SLC37A2: variants seen among roughly 807,000 people sequenced by gnomAD.
SLC37A2 encodes the protein glucose-6-phosphate exchanger SLC37A2.
SLC37A2 carries 59 observed loss-of-function variants against 70.7 expected under a neutral mutation model. The observed-to-expected ratio is 0.83, with a 90% CI of 0.68 to 1.04. The LOEUF (loss-of-function observed/expected upper bound fraction) is 1.04, where lower values mean the gene tolerates loss of function less well. Among genes scored for constraint, SLC37A2 ranks in the 50% least tolerant of loss-of-function variants. The pLI is 0.00. For synonymous variants in SLC37A2, 257 were observed against 262.1 expected (o/e 0.98, Z 0.19); for missense variants, 580 against 658.1 (o/e 0.88, Z 1.30).
At chr11:125,064,866 T>C (rs911774604) in intron 1 of SLC37A2, among the ~76,000 whole-genome samples, 2 of 152,204 alleles carry the variant, frequency 1.3e-5, no homozygotes, top group African/African-American at 2.4e-5. Flanking sequence ...AAATGGATGA[T>C]GGTGATGGTT....
intron 17 of SLC37A2, chr11:125,086,274 TCGAGTCTGTGACTCGAGTG>T: frequency 6.3e-7 from 1 of 1,598,350 alleles, no homozygotes; most frequent in South Asian, 1.1e-5. Context: ...AGTATTTACT[TCGAGTCTGTGACTCGAGTG>T]CCATTTGAGT....
chr11:125,086,328 C>A, intron 17 of SLC37A2: 1 of 1,197,270 alleles, frequency 8.4e-7, no homozygotes. Flanking sequence ...AATCCTCTGT[C>A]CTGCAGTATG....
chr11:125,071,827 C>T (rs1048758446), intron 1 of SLC37A2, among the ~76,000 whole-genome samples: 1 of 96,928 alleles, frequency 1.0e-5, no homozygotes, highest in South Asian at 3.8e-4. Context: ...GGGTATCTCC[C>T]AGTGCTGGTG....
At chr11:125,086,236 A>G in intron 17 of SLC37A2, 2 of 1,612,744 alleles carry the variant, frequency 1.2e-6, no homozygotes, top group Non-Finnish European at 1.7e-6. Context: ...CAGTGATAGT[A>G]TTTTCCTCAA....
At chr11:125,081,721 G>A (rs778457162) in intron 8 of SLC37A2, 33 bp from the exon 9 acceptor site, 34 of 1,534,800 alleles carry the variant, frequency 2.2e-5, no homozygotes, top group Admixed American at 6.2e-5. Context: ...GCACATGGAC[G>A]CACCCACAGC....
chr11:125,077,962 G>C (rs1415461015), intron 4 of SLC37A2, among the ~76,000 whole-genome samples: 1 of 152,198 alleles, frequency 6.6e-6, no homozygotes, highest in Non-Finnish European at 1.5e-5. Context: ...GGGGGCAATG[G>C]ATGCATTGGC....
chr11:125,084,616 C>T (rs1214782946), intron 12 of SLC37A2, among the ~76,000 whole-genome samples: 1 of 152,216 alleles, frequency 6.6e-6, no homozygotes, highest in Non-Finnish European at 1.5e-5. Context: ...TGAGAGAAGA[C>T]TGTTTGGAGA....
chr11:125,084,459 GGGA>G, intron 12 of SLC37A2, 140 bp downstream of exon 12: 1 of 902,390 alleles, frequency 1.1e-6, no homozygotes, highest in Non-Finnish European at 1.7e-6. Context: ...GCACACACGG[GGGA>G]GGAGAAGCGA....
At chr11:125,084,628 A>T (rs1949184600) in intron 12 of SLC37A2, among the ~76,000 whole-genome samples, 197 bp from the exon 13 acceptor site, 1 of 152,216 alleles carries the variant, frequency 6.6e-6, no homozygotes, top group South Asian at 2.1e-4. Flanking sequence ...GTTTGGAGAA[A>T]GGGAGATGAT....
chr11:125,075,976 G>A lies in SLC37A2; in HGVS notation c.60-781G>A, dbSNP rs192536945. The stretch of plus-strand genomic sequence containing the variant: ...GCATGTCCTGGCTCCTGGCTGCGGC[G>A]AGGAAGCAGATAGTGACTCAGCAGG... On this transcript the variant is annotated intron_variant, in intron 1 of 17. Coordinates refer to ENST00000403796, the MANE Select transcript of SLC37A2 (RefSeq NM_001145290.2). Among the ~76,000 whole-genome samples, 19 of 152,236 alleles carry A rather than the reference G, an allele frequency of 1.2e-4. No homozygotes were observed. The South Asian group carries it at 2.9e-3, about 23-fold the overall frequency.
intron 1 of SLC37A2, among the ~76,000 whole-genome samples, chr11:125,073,116 A>C (rs1232219667): frequency 3.9e-5 from 6 of 152,092 alleles, no homozygotes; most frequent in Non-Finnish European, 8.8e-5. Flanking sequence ...TCAGGCTACC[A>C]CCTGGAGGAG....
intron 1 of SLC37A2, among the ~76,000 whole-genome samples, chr11:125,065,683 G>T (rs987906786): frequency 1.3e-5 from 2 of 152,154 alleles, no homozygotes; most frequent in South Asian, 2.1e-4. Context: ...GATTAAATAG[G>T]CATCCTGATC....
intron 17 of SLC37A2, 42 bp from the exon 18 acceptor site, chr11:125,088,077 C>T (rs1261900913): frequency 6.4e-7 from 1 of 1,550,926 alleles, no homozygotes; most frequent in Admixed American, 2.0e-5. Context: ...CTTATGAAGT[C>T]ATCTCACTTT....
In SLC37A2 at chr11:125,079,739, G is replaced by C. The variant is rs376894139; in HGVS notation, c.506G>C (p.Gly169Ala). 1 of 1,610,180 alleles carries C rather than the reference G, an allele frequency of 6.2e-7. No homozygotes were observed. Among genetic ancestry groups the C allele is most frequent in the Non-Finnish European group, 8.5e-7 (1 of 1,178,244 alleles). The change falls in exon 6 of 18, where the codon GGC becomes GCC. Residue 169 changes from glycine (G) to alanine (A), a missense_variant. Physicochemically the swap from Gly to Ala is moderately conservative, Grantham distance 60 (BLOSUM62 0). Coordinates refer to ENST00000403796, the MANE Select transcript of SLC37A2 (RefSeq NM_001145290.2). ...TGGCCCTCTGTGGTGACCTGTGTTG[G>C]CAACTGGTTCGGGAAGGGGAAGTGA... ...TGWPSVVTCV[G>A]NWFGKGKRGF...
intron 1 of SLC37A2, among the ~76,000 whole-genome samples, chr11:125,075,885 T>C (rs766569656): frequency 2.0e-5 from 3 of 152,116 alleles, no homozygotes; most frequent in Non-Finnish European, 4.4e-5. Flanking sequence ...CAGTGAGCCC[T>C]GGGTCTCGCC....
At chr11:125,084,375 G>A in intron 12 of SLC37A2, 56 bp downstream of exon 12, 1 of 1,564,076 alleles carries the variant, frequency 6.4e-7, no homozygotes, top group Non-Finnish European at 8.8e-7. Context: ...GCCTGTGTGG[G>A]CCTCTGGCCT....
intron 1 of SLC37A2, among the ~76,000 whole-genome samples, chr11:125,070,883 T>C (rs574236528): frequency 1.3e-5 from 2 of 152,324 alleles, no homozygotes; most frequent in South Asian, 4.1e-4. Context: ...GTGCACCTCA[T>C]TGACCTCGGG....
At position 125,070,660 on chromosome 11, in the gene SLC37A2, T is replaced by C. The variant is rs574917114; in HGVS notation, c.60-6097T>C. 1.5e-3 allele frequency among the ~76,000 whole-genome samples: 222 copies of C among 152,266 alleles called. 1 individual carries two copies. The highest frequency in any genetic ancestry group is 2.1e-3 in the Non-Finnish European group (141 of 68,016). ...AAGGGCTGTTTAAAATGAGCTTTGA[T>C]GGGAAGAGGCTGCTTGGAAAAGGAA... On this transcript the variant is annotated intron_variant, in intron 1 of 17. Transcript: ENST00000403796.
In SLC37A2 at chr11:125,071,695, GGCT is replaced by G. The variant is rs1451274767; in HGVS notation, c.60-5056_60-5054del. 5.1e-4 allele frequency among the ~76,000 whole-genome samples: 78 copies of G among 152,332 alleles called. 3 individuals are homozygous for G. The highest frequency in any genetic ancestry group is 6.7e-4 in the African/African-American group (28 of 41,568). ...CAAACAGAGGATTCCCTGAGGGGCT[GGCT>G]GCTGCCCTGGGAGAGCTTTGCGCCT... On this transcript the variant is annotated intron_variant, in intron 1 of 17. Transcript: ENST00000403796.
Sources: allele counts gnomAD v4.1 joint callset (sites outside exome capture counted in the v4.1 genomes callset), GRCh38; gene constraint gnomAD v4.1.1; transcripts MANE v1.5; gene names NCBI Gene and HGNC (gene_info 2026-07-23, HGNC 2026-07-21).